GABRA3: variants seen among roughly 807,000 people sequenced by gnomAD.
The protein encoded by GABRA3 is gamma-aminobutyric acid receptor subunit alpha-3.
A neutral mutation model predicts 30.1 loss-of-function variants in GABRA3; 10 were observed. The observed-to-expected ratio is 0.33, with a 90% CI of 0.20 to 0.56. The LOEUF (loss-of-function observed/expected upper bound fraction) is 0.56. GABRA3 is among the 20% of genes least tolerant of loss of function. The pLI is 0.89. For synonymous variants in GABRA3, 151 were observed against 146.8 expected (o/e 1.03, Z -0.21); for missense variants, 233 against 392.0 (o/e 0.59, Z 3.42).
chrX:152,193,327 T>C lies in GABRA3; in HGVS notation c.932-3386A>G, dbSNP rs1225659994. Among the ~76,000 whole-genome samples the C allele has an allele frequency of 1.1e-4, 12 of 111,930 alleles. No homozygotes were observed. In the Admixed American group the frequency reaches 1.1e-3, roughly 11 times the overall value. On this transcript the variant is annotated intron_variant, in intron 8 of 9. Coordinates refer to ENST00000370314, the MANE Select transcript of GABRA3 (RefSeq NM_000808.4). Reference sequence around the variant, plus strand: ...TGTCTGGCTTCCTCCACTCAGCATATTTTTAGGTTCATTCATGTTGTTGCA... The same window carrying C: ...TGTCTGGCTTCCTCCACTCAGCATACTTTTAGGTTCATTCATGTTGTTGCA...
Position 152,374,240 on chromosome X carries a change from C to G in GABRA3, c.-26-9644G>C, listed in dbSNP as rs184118781. Among the ~76,000 whole-genome samples, 9 of 109,236 alleles carry G rather than the reference C, an allele frequency of 8.2e-5. 1 individual carries two copies. Among genetic ancestry groups the G allele is most frequent in the Admixed American group, 7.9e-4 (8 of 10,168 alleles). 94.9% of individuals were successfully genotyped at this position (109,236 alleles called of 115,157 possible). A position where few individuals can be genotyped will look rare whatever the true frequency, so the allele number is the denominator to read the frequency against. ...TAGATTGCAAACATTTTCTCCCATT[C>G]TGTAGGTTGTCTGTTCACTCTGATG... is the stretch of plus-strand genomic sequence containing the variant. On this transcript the variant is annotated intron_variant, in intron 1 of 9. Transcript: ENST00000370314.
At chrX:152,232,126 T>C (rs1270299935) in intron 5 of GABRA3, among the ~76,000 whole-genome samples, 2 of 111,772 alleles carry the variant, frequency 1.8e-5, no homozygotes, top group Non-Finnish European at 3.8e-5. Flanking sequence ...ATTGTACATG[T>C]AAAATAAATT....
intron 1 of GABRA3, among the ~76,000 whole-genome samples, chrX:152,372,313 C>T (rs962963068): frequency 9.0e-6 from 1 of 111,569 alleles, no homozygotes; most frequent in Non-Finnish European, 1.9e-5. Flanking sequence ...TTTCTACTTT[C>T]GGTCTCCCCT....
chrX:152,427,328 T>G (rs1316459630), intron 1 of GABRA3, among the ~76,000 whole-genome samples: 1 of 111,574 alleles, frequency 9.0e-6, no homozygotes, highest in Non-Finnish European at 1.9e-5. Flanking sequence ...TCTCATTCTG[T>G]ACACTCCAGC....
At chrX:152,194,569 T>C (rs1168985748) in intron 8 of GABRA3, among the ~76,000 whole-genome samples, 2 of 111,652 alleles carry the variant, frequency 1.8e-5, no homozygotes, top group Non-Finnish European at 3.8e-5. Flanking sequence ...ATTGTTATTA[T>C]GTTTTTGTGA....
At chrX:152,442,818 G>A (rs1430448850) in intron 1 of GABRA3, among the ~76,000 whole-genome samples, 1 of 111,365 alleles carries the variant, frequency 9.0e-6, no homozygotes, top group Non-Finnish European at 1.9e-5. Context: ...GAAACAATTG[G>A]CAGGGAAAAC....
In GABRA3 at chrX:152,414,769, A is replaced by G. The variant is rs978806220; in HGVS notation, c.-27+36377T>C. ...AGCAGCTTTGCTCATAATTGCCAAAACTTGGAAGCAACCAAGATGACCTGT... is the reference window on the plus strand; with the variant it reads ...AGCAGCTTTGCTCATAATTGCCAAAGCTTGGAAGCAACCAAGATGACCTGT... On this transcript the variant is annotated intron_variant, in intron 1 of 9. Transcript: ENST00000370314. Among the ~76,000 whole-genome samples the G allele has an allele frequency of 4.6e-5, 5 of 109,739 alleles. No individual in the cohort carries two copies. In the East Asian group the frequency reaches 1.4e-3, roughly 31 times the overall value.
chrX:152,270,477 G>A (rs1252311396), intron 4 of GABRA3, among the ~76,000 whole-genome samples: 1 of 111,560 alleles, frequency 9.0e-6, no homozygotes, highest in Admixed American at 9.5e-5. Context: ...GTACTAGGGT[G>A]CTGCTGTAAG....
intron 3 of GABRA3, among the ~76,000 whole-genome samples, chrX:152,294,822 G>A (rs1031533768): frequency 7.2e-5 from 8 of 111,546 alleles, no homozygotes; most frequent in African/African-American, 2.0e-4. Flanking sequence ...TGGTGTGGAT[G>A]TTCTTTTTGT....
chrX:152,304,152 T>C (rs1311309185), intron 3 of GABRA3, among the ~76,000 whole-genome samples: 3 of 111,809 alleles, frequency 2.7e-5, no homozygotes, highest in Admixed American at 9.5e-5. Flanking sequence ...AATGGAGTTG[T>C]TTTTTGCTTC....
intron 7 of GABRA3, 108 bp from the exon 8 acceptor site, chrX:152,197,893 A>G: frequency 1.7e-6 from 1 of 582,576 alleles, no homozygotes; most frequent in Non-Finnish European, 2.7e-6. Flanking sequence ...TCAATATTCC[A>G]GCATCTCCCA....
intron 1 of GABRA3, among the ~76,000 whole-genome samples, chrX:152,411,336 T>C (rs745837703): frequency 1.3e-3 from 141 of 109,964 alleles, no homozygotes; most frequent in Admixed American, 2.2e-3. Context: ...ACAACCAAAA[T>C]AAATAAGTAA....
intron 3 of GABRA3, among the ~76,000 whole-genome samples, chrX:152,302,947 T>C (rs1283281401): frequency 8.9e-6 from 1 of 112,027 alleles, no homozygotes; most frequent in East Asian, 2.8e-4. Context: ...CCGTGGTGTA[T>C]ATGTACCACA....
At chrX:152,368,681 C>G in intron 1 of GABRA3, among the ~76,000 whole-genome samples, 1 of 102,503 alleles carries the variant, frequency 9.8e-6, no homozygotes, top group Non-Finnish European at 2.0e-5. Context: ...AATCATGTAA[C>G]TCTATTTTTA....
intron 3 of GABRA3, among the ~76,000 whole-genome samples, chrX:152,321,894 T>C (rs1330361101): frequency 1.8e-5 from 2 of 110,672 alleles, no homozygotes; most frequent in Admixed American, 1.9e-4. Flanking sequence ...TCCCCGCCAC[T>C]CCTCTCCTCT....
intron 8 of GABRA3, among the ~76,000 whole-genome samples, chrX:152,190,844 TC>T (rs1307916208): frequency 9.3e-6 from 1 of 107,842 alleles, no homozygotes; most frequent in Non-Finnish European, 1.9e-5. Context: ...TTTTTTCTAA[TC>T]TTTTCATATT....
At chrX:152,333,522 T>C (rs1327936149) in intron 3 of GABRA3, among the ~76,000 whole-genome samples, 1 of 111,917 alleles carries the variant, frequency 8.9e-6, no homozygotes, top group Non-Finnish European at 1.9e-5. Flanking sequence ...TAGACAAATG[T>C]TGGAATTAGT....
intron 1 of GABRA3, among the ~76,000 whole-genome samples, chrX:152,442,987 A>G (rs1930973386): frequency 8.9e-6 from 1 of 111,757 alleles, no homozygotes; most frequent in Admixed American, 9.4e-5. Context: ...TACAAATGAA[A>G]AGATAAATAT....
intron 1 of GABRA3, among the ~76,000 whole-genome samples, chrX:152,369,963 C>G (rs1026320944): frequency 3.6e-5 from 4 of 111,403 alleles, no homozygotes; most frequent in African/African-American, 1.3e-4. Context: ...TTGGAACCTG[C>G]CAGACTGAAA....
Sources: gnomAD v4.1 joint callset for allele counts (sites outside exome capture counted in the v4.1 genomes callset) on GRCh38, gnomAD v4.1.1 for gene constraint, MANE v1.5 for transcripts, NCBI Gene and HGNC (gene_info 2026-07-23, HGNC 2026-07-21) for gene names.